The following PRAMEF12 variants were observed in gnomAD, a reference collection of about 807,000 sequenced individuals.
The protein encoded by PRAMEF12 is PRAME family member 12.
PRAMEF12 carries 24 observed loss-of-function variants against 24.6 expected under a neutral mutation model. The observed-to-expected ratio is 0.98, with a 90% CI of 0.71 to 1.37. PRAMEF12 has a LOEUF of 1.37. Among genes scored for constraint, PRAMEF12 ranks in the 40% most tolerant of loss-of-function variants. The probability of loss-of-function intolerance (pLI) is 0.00; values close to 1 mark genes in which losing one functional copy is unlikely to be tolerated. For missense variants in PRAMEF12, 646 were observed against 580.3 expected, an observed-to-expected ratio of 1.11 and a Z score of -1.16; for synonymous variants, 286 against 242.6, an observed-to-expected ratio of 1.18 and a Z score of -1.66.
rs1052784468 is a variant in PRAMEF12, at chr1:12,777,799, A to T, written c.*200A>T. ...GTGTCCCAGAGAATCAGAAATGGGA[A>T]TCTGAATTGCTAGAATGAGAATCAG... On this transcript the variant is annotated 3_prime_UTR_variant, in exon 3 of 3. Coordinates refer to ENST00000357726, the MANE Select transcript of PRAMEF12 (RefSeq NM_001080830.5). 2 of 628,656 alleles carry T rather than the reference A, an allele frequency of 3.2e-6. No individual in the cohort carries two copies. The highest frequency in any genetic ancestry group is 3.7e-5 in the African/African-American group (2 of 54,282). The allele number at this position is 628,656 out of a possible 1,614,324, so 38.9% of individuals were successfully genotyped here.
In PRAMEF12 at chr1:12,775,741, C is replaced by T. The variant is rs375126363; in HGVS notation, c.486C>T (p.Leu162=). 8.7e-6 allele frequency: 14 copies of T among 1,613,676 alleles called. No homozygotes were observed. The African/African-American group carries it at 1.3e-4, about 15-fold the overall frequency. ...AGAATGGGACGCTGGATGAATGCCT[C>T]ACCCACTTCTTAGAGTGGGGCAAGC... is the stretch of plus-strand genomic sequence containing the variant. The part of the protein sequence containing the change: ...CFKNGTLDEC[L]THFLEWGKQR... Residue 162 remains leucine, a synonymous_variant, in exon 2 of 3, where the codon CTC becomes CTT. Transcript: ENST00000357726.
At chr1:12,775,453 CAGCAGGGAGGAGA>C (rs1376954156) in intron 1 of PRAMEF12, 77 bp from the exon 2 acceptor site, 1 of 1,237,628 alleles carries the variant, frequency 8.1e-7, no homozygotes, top group African/African-American at 1.5e-5. Flanking sequence ...GTGGGAGAAG[CAGCAGGGAGGAGA>C]GTCGCTGATG....
At chr1:12,775,242 G>A in intron 1 of PRAMEF12, 88 bp downstream of exon 1, 1 of 1,427,038 alleles carries the variant, frequency 7.0e-7, no homozygotes, top group Non-Finnish European at 9.5e-7. Context: ...GCCCAAGGGT[G>A]GCCCAGAGAC....
rs765066914 is a variant in PRAMEF12 at position 12,776,013 on chromosome 1, AG to A, written c.759del (p.Gln253HisfsTer46). ...TGCATTCCCCTAGACAGGAAGGAGC[AG>A]TTTGTCATCCAGTTCACCTCTCAGT... ...SACIPLDRKEQFVIQFTSQFL... is the reference protein window; with the variant it reads ...SACIPLDRKEXFVIQFTSQFL... On this transcript the variant is annotated frameshift_variant, in exon 2 of 3. Coordinates refer to ENST00000357726, the MANE Select transcript of PRAMEF12 (RefSeq NM_001080830.5). LOFTEE classifies it high-confidence loss of function. 2.5e-6 allele frequency: 4 copies of A among 1,614,190 alleles called. No homozygotes were observed. The highest frequency in any genetic ancestry group is 3.4e-6 in the Non-Finnish European group (4 of 1,180,022).
Position 12,777,832 on chromosome 1 carries a change from A to T in PRAMEF12, c.*233A>T, listed in dbSNP as rs1639080937. ...TGCTAGAATGAGAATCAGGTAGGAG[A>T]GACACATGAGACAGTTACCCCTGCA... On this transcript the variant is annotated 3_prime_UTR_variant, in exon 3 of 3. Transcript: ENST00000357726. The T allele has an allele frequency of 1.7e-6, 1 of 578,746 alleles. No individual in the cohort carries two copies. The highest frequency in any genetic ancestry group is 3.1e-6 in the Non-Finnish European group (1 of 326,248). The allele number at this position is 578,746 out of a possible 1,614,324, so 35.9% of individuals were successfully genotyped here.
chr1:12,774,856 A>T lies in PRAMEF12; in HGVS notation c.-12A>T, dbSNP rs1476875167. On this transcript the variant is annotated 5_prime_UTR_variant, in exon 1 of 3. Coordinates refer to ENST00000357726, the MANE Select transcript of PRAMEF12 (RefSeq NM_001080830.5). ...CCGTAAGAATGATGTTTTTTTCTCT[A>T]GATTCATCAGGATGAGCCTCCAGGC... 3.8e-6 allele frequency: 6 copies of T among 1,573,314 alleles called. No homozygotes were observed. In the Admixed American group the frequency reaches 5.8e-5, roughly 15 times the overall value.
rs557496864 is a variant in PRAMEF12 at position 12,774,846 on chromosome 1, T to C, written c.-22T>C. 3.0e-5 allele frequency: 47 copies of C among 1,562,222 alleles called. No homozygotes were observed. In the South Asian group the frequency reaches 4.1e-4, roughly 14 times the overall value. ...ATGTGATTTGCCGTAAGAATGATGT[T>C]TTTTTCTCTAGATTCATCAGGATGA... On this transcript the variant is annotated 5_prime_UTR_variant, in exon 1 of 3. Transcript: ENST00000357726.
rs1639021166 is a variant in PRAMEF12 at position 12,774,654 on chromosome 1, G to A, written c.-214G>A. 6.6e-6 allele frequency among the ~76,000 whole-genome samples: 1 copy of A among 152,196 alleles called. No homozygotes were observed. Among genetic ancestry groups the A allele is most frequent in the South Asian group, 2.1e-4 (1 of 4,830 alleles). ...GCAATGGTTGAAAATGAATGGGCCA[G>A]TGGTTACCTTGCCCTCTCCTCATTG... On this transcript the variant is annotated 5_prime_UTR_variant, in exon 1 of 3. It adds an upstream start codon to the 5' untranslated region. Transcript: ENST00000357726.
rs1812242 is a variant in PRAMEF12 at position 12,775,725 on chromosome 1, C to T, written c.470C>T (p.Thr157Met). Residue 157 changes from threonine to methionine, a missense_variant, in exon 2 of 3, where the codon ACG (threonine) becomes ATG (methionine). By Grantham distance (81) the Thr-to-Met change is moderately conservative. Coordinates refer to ENST00000357726, the MANE Select transcript of PRAMEF12 (RefSeq NM_001080830.5). ...CTAGACCTTTGCTTCAAGAATGGGA[C>T]GCTGGATGAATGCCTCACCCACTTC... The part of the protein sequence containing the change: ...VILDLCFKNG[T>M]LDECLTHFLE... 346,210 of 1,613,124 alleles carry T rather than the reference C, an allele frequency of 0.21. 39,184 individuals are homozygous for T. The highest frequency in any genetic ancestry group is 0.4 in the African/African-American group (29,647 of 74,570).
At chr1:12,776,189 G>A in intron 2 of PRAMEF12, 71 bp downstream of exon 2, 2 of 1,480,730 alleles carry the variant, frequency 1.4e-6, no homozygotes, top group Non-Finnish European at 1.9e-6. Context: ...AACACCAGGG[G>A]GTATCTACTG....
Position 12,777,014 on chromosome 1 carries a change from TC to T in PRAMEF12, c.868del (p.Leu290SerfsTer9). The T allele has an allele frequency of 6.2e-7, 1 of 1,610,478 alleles. No homozygotes were observed. ...EGHLDQLLRC[L>X]QAPLETVVMT... ...ACTCCTTCTTGTTCTCTCCCAGGTG[TC>T]TCCAGGCCCCCTTGGAGACAGTCGT... On this transcript the variant is annotated frameshift_variant, in exon 3 of 3. Transcript: ENST00000357726. LOFTEE classifies it low-confidence loss of function (END_TRUNC).
Position 12,777,379 on chromosome 1 carries a change from A to G in PRAMEF12, c.1232A>G (p.Tyr411Cys). 1 of 1,613,844 alleles carries G rather than the reference A, an allele frequency of 6.2e-7. No homozygotes were observed. The change falls in exon 3 of 3, where the codon TAT becomes TGT. Residue 411 changes from tyrosine to cysteine, a missense_variant. Transcript: ENST00000357726. ...CTGAGCAAGCTAAGCCTGGAGCTGT[A>G]TCCTGCCCCTCTGGAGAGTTATGAT... ...VGLSKLSLEL[Y>C]PAPLESYDAQ...
chr1:12,777,188 G>A lies in PRAMEF12; in HGVS notation c.1041G>A (p.Glu347=). The change falls in exon 3 of 3, where the codon GAG becomes GAA. Residue 347 remains glutamate, a synonymous_variant. Coordinates refer to ENST00000357726, the MANE Select transcript of PRAMEF12 (RefSeq NM_001080830.5). ...EPLSVLLEQA[E]ATLQTLDLED... ...TCTCAGTTCTGCTGGAGCAAGCTGAGGCCACCCTGCAGACCCTGGACTTAG... is the reference window on the plus strand; with the variant it reads ...TCTCAGTTCTGCTGGAGCAAGCTGAAGCCACCCTGCAGACCCTGGACTTAG... The A allele has an allele frequency of 6.2e-7, 1 of 1,601,298 alleles. No homozygotes were observed. The highest frequency in any genetic ancestry group is 8.5e-7 in the Non-Finnish European group (1 of 1,171,348).
rs929889334 is a variant in PRAMEF12 at position 12,775,063 on chromosome 1, C to T, written c.196C>T (p.Leu66=). ...VQAWPFTCLP[L]GSLMKSCNLE... is the part of the protein sequence containing the mutation. ...GGCCTGGCCCTTCACCTGCCTTCCT[C>T]TAGGGTCCCTGATGAAGTCATGTAA... is the stretch of plus-strand genomic sequence containing the variant. The change falls in exon 1 of 3, where the codon CTA becomes TTA. Residue 66 remains leucine, a synonymous_variant. Transcript: ENST00000357726. 5 of 1,614,076 alleles carry T rather than the reference C, an allele frequency of 3.1e-6. No individual in the cohort carries two copies. Among genetic ancestry groups the T allele is most frequent in the African/African-American group, 1.3e-5 (1 of 74,922 alleles).
intron 1 of PRAMEF12, 48 bp from the exon 2 acceptor site, chr1:12,775,495 G>T (rs2100272891): frequency 6.6e-7 from 1 of 1,521,986 alleles, no homozygotes; most frequent in Non-Finnish European, 8.9e-7. Flanking sequence ...GTGGATAAAA[G>T]CTCAAATCCT....
Position 12,775,048 on chromosome 1 carries a change from T to C in PRAMEF12, c.181T>C (p.Phe61Leu). The change falls in exon 1 of 3, where the codon TTC (phenylalanine) becomes CTC (leucine). Residue 61 changes from phenylalanine to leucine, a missense_variant. Transcript: ENST00000357726. ...GACAACTATGGTGCAGGCCTGGCCCTTCACCTGCCTTCCTCTAGGGTCCCT... is the reference window on the plus strand; with the variant it reads ...GACAACTATGGTGCAGGCCTGGCCCCTCACCTGCCTTCCTCTAGGGTCCCT... The part of the protein sequence containing the change: ...TLTTMVQAWP[F>L]TCLPLGSLMK... 1 of 1,614,178 alleles carries C rather than the reference T, an allele frequency of 6.2e-7. No homozygotes were observed. Among genetic ancestry groups the C allele is most frequent in the Non-Finnish European group, 8.5e-7 (1 of 1,180,016 alleles).
rs1454549616 is a variant in PRAMEF12 at position 12,775,810 on chromosome 1, T to A, written c.555T>A (p.Ile185=). 5 of 1,613,672 alleles carry A rather than the reference T, an allele frequency of 3.1e-6. No homozygotes were observed. Among genetic ancestry groups the A allele is most frequent in the Non-Finnish European group, 4.2e-6 (5 of 1,179,974 alleles). The part of the protein sequence containing the change: ...LLHVCCKELQ[I]FGIAIHRIIE... ...ACGTGTGTTGCAAGGAGCTGCAGATTTTTGGAATAGCCATCCACAGGATCA... is the reference window on the plus strand; with the variant it reads ...ACGTGTGTTGCAAGGAGCTGCAGATATTTGGAATAGCCATCCACAGGATCA... Residue 185 remains isoleucine, a synonymous_variant, in exon 2 of 3, where the codon ATT becomes ATA. Transcript: ENST00000357726.
Position 12,777,245 on chromosome 1 carries a change from C to T in PRAMEF12, c.1098C>T (p.Ser366=), listed in dbSNP as rs375113378. ...GTGGGATCGTGGATTCCCAACTCAG[C>T]GCCATCCTGCCTGCCCTGAGCCGCT... The part of the protein sequence containing the change: ...EDCGIVDSQL[S]AILPALSRCS... Residue 366 remains serine, a synonymous_variant, in exon 3 of 3, where the codon AGC becomes AGT. Coordinates refer to ENST00000357726, the MANE Select transcript of PRAMEF12 (RefSeq NM_001080830.5). The T allele has an allele frequency of 7.9e-5, 127 of 1,612,500 alleles. No individual in the cohort carries two copies. Among genetic ancestry groups the T allele is most frequent in the South Asian group, 1.9e-4 (17 of 91,008 alleles).
At chr1:12,775,399 C>G in intron 1 of PRAMEF12, 144 bp from the exon 2 acceptor site, 2 of 972,998 alleles carry the variant, frequency 2.1e-6, no homozygotes, top group South Asian at 1.6e-5. Context: ...CAGTGGGGAC[C>G]AGGCAGGTTT....
Sources: gnomAD v4.1 joint callset for allele counts (sites outside exome capture counted in the v4.1 genomes callset) on GRCh38, gnomAD v4.1.1 for gene constraint, MANE v1.5 for transcripts, NCBI Gene and HGNC (gene_info 2026-07-23, HGNC 2026-07-21) for gene names.